The following A4GALT variants were observed in gnomAD, a reference collection of about 807,000 sequenced individuals.
A4GALT encodes the protein alpha 1,4-galactosyltransferase (P1PK blood group), also known as lactosylceramide 4-alpha-galactosyltransferase.
For synonymous variants in A4GALT, 257 were observed against 220.7 expected (o/e 1.16, Z -1.46); for missense variants, 512 against 486.0 (o/e 1.05, Z -0.50).
intron 1 of A4GALT, among the ~76,000 whole-genome samples, chr22:42,720,066 T>C (rs776577055): frequency 6.6e-6 from 1 of 152,130 alleles, no homozygotes; most frequent in African/African-American, 2.4e-5. Flanking sequence ...TGGGACCAGG[T>C]GCCCCGGCAG....
In A4GALT at chr22:42,706,241, G is replaced by C. The variant is rs1921106910; in HGVS notation, c.-187-10610C>G. 1.3e-5 allele frequency among the ~76,000 whole-genome samples: 2 copies of C among 149,104 alleles called. 1 individual carries two copies. The highest frequency in any genetic ancestry group is 5.0e-5 in the African/African-American group (2 of 40,020). ...GTGGTGGCGGGCACCTATAGTCCCA[G>C]TTACTCGGGAGGCTGAGGCAGGAGA... is the stretch of plus-strand genomic sequence containing the variant. On this transcript the variant is annotated intron_variant, in intron 1 of 2. Transcript: ENST00000642412.
chr22:42,714,099 T>C (rs888172234), intron 1 of A4GALT, among the ~76,000 whole-genome samples: 8 of 151,398 alleles, frequency 5.3e-5, no homozygotes, highest in African/African-American at 7.3e-5. Flanking sequence ...GTGGGAAACA[T>C]AGGGAGACCA....
Position 42,692,466 on chromosome 22 carries a change from C to A in A4GALT, c.*424G>T. 1 of 358,418 alleles carries A rather than the reference C, an allele frequency of 2.8e-6. No homozygotes were observed. The highest frequency in any genetic ancestry group is 2.1e-5 in the South Asian group (1 of 48,308). 22.2% of individuals were successfully genotyped at this position (358,418 alleles called of 1,614,324 possible). On this transcript the variant is annotated 3_prime_UTR_variant, in exon 3 of 3. Coordinates refer to ENST00000642412, the MANE Select transcript of A4GALT (RefSeq NM_017436.7). The surrounding 1 kb of genome is among the most constrained non-coding windows in gnomAD (Gnocchi z 4.6). ...CGGACCCTTGGGGCTGGGTCTCCCC[C>A]AGCCCTGCCACTTTCCTACCAACAG...
In A4GALT at chr22:42,705,926, T is replaced by C. The variant is rs1921035744; in HGVS notation, c.-187-10295A>G. ...AAAATTAGCCAGGCGTGGTAATGTG[T>C]GCCTGTCATCCCAGCTACTCGGGAG... On this transcript the variant is annotated intron_variant, in intron 1 of 2. Transcript: ENST00000642412. 3.3e-5 allele frequency among the ~76,000 whole-genome samples: 4 copies of C among 120,254 alleles called. 2 individuals carry two copies. The highest frequency in any genetic ancestry group is 9.6e-3 in the Middle Eastern group (2 of 208). The allele number at this position is 120,254 out of a possible 152,430, so 78.9% of individuals were successfully genotyped here.
intron 1 of A4GALT, among the ~76,000 whole-genome samples, chr22:42,711,483 C>T (rs1200106637): frequency 6.6e-6 from 1 of 152,152 alleles, no homozygotes. Flanking sequence ...AACCCAAGGT[C>T]TTTCTTGAAG....
intron 1 of A4GALT, among the ~76,000 whole-genome samples, chr22:42,709,615 AC>A (rs1921502206): frequency 6.6e-6 from 1 of 151,596 alleles, no homozygotes; most frequent in East Asian, 2.0e-4. Flanking sequence ...CATGGCAAAA[AC>A]CCATCTCTAC....
chr22:42,711,915 G>A (rs553700282), intron 1 of A4GALT, among the ~76,000 whole-genome samples: 16 of 152,280 alleles, frequency 1.1e-4, no homozygotes, highest in South Asian at 8.3e-4. Flanking sequence ...GAGCCACCGT[G>A]ACTGGTCTCA....
intron 1 of A4GALT, among the ~76,000 whole-genome samples, chr22:42,699,008 T>C (rs1373199152): frequency 6.6e-6 from 1 of 152,102 alleles, no homozygotes; most frequent in Non-Finnish European, 1.5e-5. Context: ...TTGTTTAGCA[T>C]ATCATCAAGA....
chr22:42,703,708 G>A (rs1211917441), intron 1 of A4GALT, among the ~76,000 whole-genome samples: 1 of 152,160 alleles, frequency 6.6e-6, no homozygotes. Flanking sequence ...ACAGTGCGGG[G>A]AAGGGAGGGT....
At chr22:42,704,410 C>A (rs1920957095) in intron 1 of A4GALT, among the ~76,000 whole-genome samples, 2 of 151,956 alleles carry the variant, frequency 1.3e-5, no homozygotes, top group African/African-American at 4.8e-5. Flanking sequence ...TTGCTTAAAC[C>A]TGGTAGGCGG....
chr22:42,692,886 C>G lies in A4GALT; in HGVS notation c.*4G>C, dbSNP rs546532774. ...CAGGTTGGGGAGGTGACCTGGCGGG[C>G]CCCTCACAAGTACATTTTCATGGCC... On this transcript the variant is annotated 3_prime_UTR_variant, in exon 3 of 3. Transcript: ENST00000642412. This position sits in a 1 kb window ranked among gnomAD's most constrained non-coding sequence, Gnocchi z 4.6. The G allele has an allele frequency of 1.9e-6, 3 of 1,599,944 alleles. No homozygotes were observed. The highest frequency in any genetic ancestry group is 1.7e-5 in the Admixed American group (1 of 59,980).
chr22:42,708,881 C>T (rs1208714288), intron 1 of A4GALT, among the ~76,000 whole-genome samples: 1 of 151,088 alleles, frequency 6.6e-6, no homozygotes, highest in African/African-American at 2.4e-5. Context: ...GAAGACATAG[C>T]TAATCTACAC....
intron 1 of A4GALT, among the ~76,000 whole-genome samples, chr22:42,696,906 C>T (rs3761464): frequency 0.11 from 16,047 of 151,100 alleles, 1,510 homozygotes; most frequent in East Asian, 0.55. Context: ...CTCTCAGATG[C>T]CCACTCAAAA....
chr22:42,716,757 G>C (rs1922216807), intron 1 of A4GALT, among the ~76,000 whole-genome samples: 1 of 152,132 alleles, frequency 6.6e-6, no homozygotes, highest in Non-Finnish European at 1.5e-5. Context: ...TGGCTGAGAG[G>C]GTCTGGTAAG....
At chr22:42,713,828 AAAGACAGAC>A (rs1434753760) in intron 1 of A4GALT, among the ~76,000 whole-genome samples, 4 of 119,092 alleles carry the variant, frequency 3.4e-5, no homozygotes, top group African/African-American at 1.0e-4. Flanking sequence ...AAAAAAAAAA[AAAGACAGAC>A]AGACAGACAG....
chr22:42,695,920 C>T (rs545365672), intron 1 of A4GALT, among the ~76,000 whole-genome samples: 58 of 151,722 alleles, frequency 3.8e-4, no homozygotes, highest in African/African-American at 1.3e-3. Flanking sequence ...ATCAGGAGTT[C>T]GAGACCAGCC....
intron 2 of A4GALT, among the ~76,000 whole-genome samples, chr22:42,694,312 G>C (rs548187751): frequency 6.6e-6 from 1 of 152,274 alleles, no homozygotes; most frequent in African/African-American, 2.4e-5. Flanking sequence ...TCTGGTCTGC[G>C]TAAGGACTGT....
chr22:42,715,254 T>G (rs1270043404), intron 1 of A4GALT, among the ~76,000 whole-genome samples: 1 of 152,086 alleles, frequency 6.6e-6, no homozygotes, highest in Non-Finnish European at 1.5e-5. Context: ...GTTCCTGCCT[T>G]CATTTCATAC....
At chr22:42,704,230 C>T (rs1920953301) in intron 1 of A4GALT, among the ~76,000 whole-genome samples, 1 of 152,098 alleles carries the variant, frequency 6.6e-6, no homozygotes, top group South Asian at 2.1e-4. Flanking sequence ...TGCTTGTAAT[C>T]CCAGCACTTT....
Sources: gnomAD v4.1 joint callset for allele counts (sites outside exome capture counted in the v4.1 genomes callset) on GRCh38, gnomAD v4.1.1 for gene constraint, Gnocchi (gnomAD v3.1) non-coding constraint, MANE v1.5 for transcripts, NCBI Gene and HGNC (gene_info 2026-07-23, HGNC 2026-07-21) for gene names.